SLC25A42: variants seen among roughly 807,000 people sequenced by gnomAD.
SLC25A42 encodes the protein solute carrier family 25 member 42.
In SLC25A42, 19 loss-of-function variants were observed where a neutral mutation model predicts 34.7. The ratio of observed to expected loss-of-function variants is 0.55; its 90% CI spans 0.38 to 0.80. The LOEUF is 0.80. Among genes scored for constraint, SLC25A42 ranks in the 30% least tolerant of loss-of-function variants. The probability of loss-of-function intolerance (pLI) is 0.00; values close to 1 mark genes in which losing one functional copy is unlikely to be tolerated. For missense variants in SLC25A42, 364 were observed against 441.3 expected, an observed-to-expected ratio of 0.82 and a Z score of 1.57; for synonymous variants, 205 against 191.2, an observed-to-expected ratio of 1.07 and a Z score of -0.59.
chr19:19,102,665 A>G (rs1333935288), intron 3 of SLC25A42, among the ~76,000 whole-genome samples: 1 of 151,802 alleles, frequency 6.6e-6, no homozygotes, highest in East Asian at 1.9e-4. Context: ...AATCGCTTGA[A>G]CCTGGGAGGC....
chr19:19,076,187 G>A (rs1435851425), intron 1 of SLC25A42, among the ~76,000 whole-genome samples: 1 of 152,162 alleles, frequency 6.6e-6, no homozygotes, highest in Non-Finnish European at 1.5e-5. Flanking sequence ...TCTCGGCCAG[G>A]TGTAGTGGCT....
rs78744359 is a variant in SLC25A42, at chr19:19,105,996, G to A, written c.380+269G>A. 3,936 of 555,072 alleles carry A rather than the reference G, an allele frequency of 7.1e-3. 112 individuals are homozygous for A. Among genetic ancestry groups the A allele is most frequent in the African/African-American group, 0.066 (3,478 of 52,706 alleles). The allele number at this position is 555,072 out of a possible 1,614,324, so 34.4% of individuals were successfully genotyped here. ...CACCCCCACGCATAAATCCCAGAGG[G>A]GCAGGTTACTATGCCCCCAGGGCCG... On this transcript the variant is annotated intron_variant, in intron 5 of 7. Transcript: ENST00000318596.
At chr19:19,084,545 G>A (rs1832495470) in intron 1 of SLC25A42, among the ~76,000 whole-genome samples, 2 of 152,202 alleles carry the variant, frequency 1.3e-5, no homozygotes, top group African/African-American at 4.8e-5. Context: ...AGGAGAGACA[G>A]CCGTCCCTGT....
At chr19:19,078,456 C>T (rs371852539) in intron 1 of SLC25A42, among the ~76,000 whole-genome samples, 3 of 152,292 alleles carry the variant, frequency 2.0e-5, no homozygotes, top group South Asian at 2.1e-4. Flanking sequence ...AGACCCCTTT[C>T]CCCCACCCCA....
intron 1 of SLC25A42, among the ~76,000 whole-genome samples, chr19:19,088,145 G>C (rs571097715): frequency 2.0e-5 from 3 of 151,608 alleles, no homozygotes; most frequent in East Asian, 3.9e-4. Flanking sequence ...CTTACCAGGA[G>C]TTTCTAAGGA....
chr19:19,085,930 G>A (rs1164516123), intron 1 of SLC25A42, among the ~76,000 whole-genome samples: 3 of 152,264 alleles, frequency 2.0e-5, no homozygotes, highest in African/African-American at 7.2e-5. Context: ...GGCTGCCAGC[G>A]CCCTTCCCTG....
intron 1 of SLC25A42, among the ~76,000 whole-genome samples, chr19:19,065,358 C>T (rs979440724): frequency 6.6e-6 from 1 of 152,170 alleles, no homozygotes; most frequent in African/African-American, 2.4e-5. Context: ...AGGAAACACT[C>T]TTTAGAGTGA....
Position 19,104,019 on chromosome 19 carries a change from GC to G in SLC25A42, c.188-892del, listed in dbSNP as rs572668736. On this transcript the variant is annotated intron_variant, in intron 3 of 7. Transcript: ENST00000318596. ...CCTCCTGGATTTAAGCGATACTCCT[GC>G]CTTACCCTCCCGAGTAGCTGGGATT... 4.2e-3 allele frequency among the ~76,000 whole-genome samples: 643 copies of G among 152,224 alleles called. 7 individuals carry two copies. Among genetic ancestry groups the G allele is most frequent in the African/African-American group, 0.015 (621 of 41,520 alleles).
chr19:19,106,560 C>G, intron 6 of SLC25A42, 175 bp downstream of exon 6: 1 of 531,462 alleles, frequency 1.9e-6, no homozygotes, highest in South Asian at 2.4e-5. Flanking sequence ...GCAATTTGTT[C>G]TCTTAGCCTG....
chr19:19,086,077 A>G (rs2059706937), intron 1 of SLC25A42, among the ~76,000 whole-genome samples: 1 of 152,180 alleles, frequency 6.6e-6, no homozygotes, highest in African/African-American at 2.4e-5. Context: ...ATAGCCACAG[A>G]CACCCAACGT....
intron 2 of SLC25A42, among the ~76,000 whole-genome samples, chr19:19,096,742 G>A (rs2059767543): frequency 6.6e-6 from 1 of 152,106 alleles, no homozygotes; most frequent in Non-Finnish European, 1.5e-5. Context: ...TTTGAGACCA[G>A]CCTGGGCAAC....
rs375217405 is a variant in SLC25A42, at chr19:19,110,703, T to A, written c.784T>A (p.Tyr262Asn). 1.3e-6 allele frequency: 2 copies of A among 1,593,854 alleles called. No individual in the cohort carries two copies. The change falls in exon 8 of 8, where the codon TAC becomes AAC. Residue 262 changes from tyrosine to asparagine, a missense_variant. Transcript: ENST00000318596. ...CATGCAGACGGCCGGCGTCACGGGC[T>A]ACCCGCGCGCCTCCATCGCCCGCAC... ...RRMQTAGVTG[Y>N]PRASIARTLR... is the part of the protein sequence containing the mutation.
chr19:19,085,163 G>A (rs370138739), intron 1 of SLC25A42, among the ~76,000 whole-genome samples: 2 of 152,026 alleles, frequency 1.3e-5, no homozygotes, highest in South Asian at 4.1e-4. Context: ...ACCATGAGGG[G>A]TAAAGAGGAA....
intron 1 of SLC25A42, among the ~76,000 whole-genome samples, chr19:19,067,150 G>T (rs2059607245): frequency 6.6e-6 from 1 of 151,978 alleles, no homozygotes; most frequent in Non-Finnish European, 1.5e-5. Flanking sequence ...TTTGTGGTCT[G>T]TCCCATCTGA....
intron 2 of SLC25A42, among the ~76,000 whole-genome samples, chr19:19,101,449 T>C (rs980685344): frequency 9.9e-5 from 15 of 152,162 alleles, no homozygotes; most frequent in African/African-American, 2.7e-4. Flanking sequence ...CACAGTGCCG[T>C]AGTCAGGTGC....
At chr19:19,078,496 T>C (rs904855585) in intron 1 of SLC25A42, among the ~76,000 whole-genome samples, 10 of 152,156 alleles carry the variant, frequency 6.6e-5, no homozygotes, top group Admixed American at 5.2e-4. Flanking sequence ...ACTCTGTGCA[T>C]ATGGTCATCC....
At chr19:19,092,097 G>A (rs572060783) in intron 1 of SLC25A42, among the ~76,000 whole-genome samples, 38 of 152,266 alleles carry the variant, frequency 2.5e-4, no homozygotes, top group East Asian at 5.8e-4. Flanking sequence ...GTGGCCCACC[G>A]TGCTCCAGGC....
At chr19:19,076,321 T>C (rs2059655980) in intron 1 of SLC25A42, among the ~76,000 whole-genome samples, 1 of 151,388 alleles carries the variant, frequency 6.6e-6, no homozygotes, top group Non-Finnish European at 1.5e-5. Flanking sequence ...AATACAAAAA[T>C]TGGCCAGACC....
chr19:19,082,981 G>C lies in SLC25A42; in HGVS notation c.-34-13110G>C, dbSNP rs947900197. Among the ~76,000 whole-genome samples, 4 of 152,008 alleles carry C rather than the reference G, an allele frequency of 2.6e-5. No individual in the cohort carries two copies. The East Asian group carries it at 7.7e-4, about 29-fold the overall frequency. Reference sequence around the variant, plus strand: ...CTACAGGTGCGTGCCACCACACCCAGCTAATTTTTTTTGTATTTTTAGGAG... The same window carrying C: ...CTACAGGTGCGTGCCACCACACCCACCTAATTTTTTTTGTATTTTTAGGAG... On this transcript the variant is annotated intron_variant, in intron 1 of 7. Coordinates refer to ENST00000318596, the MANE Select transcript of SLC25A42 (RefSeq NM_178526.5).
Sources: gnomAD v4.1 joint callset for allele counts (sites outside exome capture counted in the v4.1 genomes callset) on GRCh38, gnomAD v4.1.1 for gene constraint, MANE v1.5 for transcripts, NCBI Gene and HGNC (gene_info 2026-07-23, HGNC 2026-07-21) for gene names.